BEND3: variants seen among roughly 807,000 people sequenced by gnomAD.
BEND3 encodes the protein BEN domain-containing protein 3.
BEND3 carries 13 observed loss-of-function variants against 60.1 expected under a neutral mutation model. The ratio of observed to expected loss-of-function variants is 0.22; its 90% CI spans 0.14 to 0.34. The LOEUF (loss-of-function observed/expected upper bound fraction) is 0.34, where lower values mean the gene tolerates loss of function less well. Ranked by LOEUF, BEND3 falls within the 10% of genes least tolerant of loss-of-function variation. The pLI, the probability that BEND3 is intolerant of heterozygous loss-of-function variation, is 1.00. For missense variants in BEND3, 896 were observed against 1,138.1 expected (o/e 0.79, Z 3.06); for synonymous variants, 497 against 491.5 (o/e 1.01, Z -0.15).
intron 3 of BEND3, among the ~76,000 whole-genome samples, chr6:107,088,745 A>G (rs1220952269): frequency 6.6e-6 from 1 of 152,258 alleles, no homozygotes; most frequent in Non-Finnish European, 1.5e-5. Context: ...TACAAAAACC[A>G]GGAGTATTTC....
intron 1 of BEND3, among the ~76,000 whole-genome samples, chr6:107,112,587 T>C (rs915308452): frequency 2.8e-4 from 43 of 151,786 alleles, no homozygotes; most frequent in African/African-American, 9.9e-4. Context: ...GGCGTGGTGG[T>C]ACACGTCTGT....
At chr6:107,101,541 C>T (rs1045444469) in intron 1 of BEND3, among the ~76,000 whole-genome samples, 2 of 152,154 alleles carry the variant, frequency 1.3e-5, no homozygotes, top group African/African-American at 4.8e-5. Flanking sequence ...AGATTTGAAA[C>T]TGAAAATAAT....
chr6:107,074,436 T>C (rs1775057549), intron 3 of BEND3, among the ~76,000 whole-genome samples: 1 of 152,120 alleles, frequency 6.6e-6, no homozygotes, highest in East Asian at 1.9e-4. Flanking sequence ...CATAAAAATT[T>C]ATTATTACAA....
chr6:107,075,117 T>C (rs1442343519), intron 3 of BEND3, among the ~76,000 whole-genome samples: 2 of 149,758 alleles, frequency 1.3e-5, no homozygotes, highest in African/African-American at 4.9e-5. Context: ...GATTAGCCAC[T>C]AGGGAGGCTT....
chr6:107,113,420 AGAGC>A (rs1770163600), intron 1 of BEND3, among the ~76,000 whole-genome samples: 1 of 135,270 alleles, frequency 7.4e-6, no homozygotes, highest in South Asian at 2.6e-4. Flanking sequence ...CCCGGGTGAC[AGAGC>A]GAGACTCCGT....
At chr6:107,099,479 G>A (rs527345956) in intron 1 of BEND3, among the ~76,000 whole-genome samples, 183 bp from the exon 2 acceptor site, 2 of 152,290 alleles carry the variant, frequency 1.3e-5, no homozygotes, top group South Asian at 4.1e-4. Context: ...GCCAGGCCTT[G>A]TGCATCCCTG....
In BEND3 at chr6:107,069,237, G is replaced by C; in HGVS notation, c.1954C>G (p.Arg652Gly). The change falls in exon 4 of 4, where the codon CGC becomes GGC. Residue 652 changes from arginine to glycine, a missense_variant. This residue lies in a region of BEND3 where 846 missense variants were observed against 1,036.7 expected (regional missense o/e 0.82). Transcript: ENST00000369042. ...RCRRRDTEQRRSYQQQRKVHV... is the reference protein window; with the variant it reads ...RCRRRDTEQRGSYQQQRKVHV... The stretch of plus-strand genomic sequence containing the variant: ...ACCTTGCGCTGCTGCTGGTAGGAGC[G>C]CCTTTGCTCCGTGTCCCGGCGCCGG... The C allele has an allele frequency of 6.2e-7, 1 of 1,611,700 alleles. No homozygotes were observed. Among genetic ancestry groups the C allele is most frequent in the East Asian group, 2.2e-5 (1 of 44,868 alleles).
At chr6:107,111,875 G>A (rs1339909270) in intron 1 of BEND3, among the ~76,000 whole-genome samples, 1 of 151,976 alleles carries the variant, frequency 6.6e-6, no homozygotes, top group African/African-American at 2.4e-5. Context: ...CCAGTTACTT[G>A]GGAGGCTGAG....
At chr6:107,109,046 TC>T (rs1554237967) in intron 1 of BEND3, among the ~76,000 whole-genome samples, 2 of 151,554 alleles carry the variant, frequency 1.3e-5, no homozygotes, top group East Asian at 3.9e-4. Flanking sequence ...CCTCAAGAGA[TC>T]CACCCGCCTC....
chr6:107,069,131 G>A lies in BEND3; in HGVS notation c.2060C>T (p.Pro687Leu). The A allele has an allele frequency of 6.2e-7, 1 of 1,612,732 alleles. No individual in the cohort carries two copies. The highest frequency in any genetic ancestry group is 8.5e-7 in the Non-Finnish European group (1 of 1,180,000). ...GCTGCTCCTCTCGGGGGGCAGTGGGGGCCCCTCAAACTCCTCCCGGAACCT... is the reference window on the plus strand; with the variant it reads ...GCTGCTCCTCTCGGGGGGCAGTGGGAGCCCCTCAAACTCCTCCCGGAACCT... Reference protein sequence around the residue: ...PERFREEFEGPPLPPERSSKD... With the variant: ...PERFREEFEGLPLPPERSSKD... The change falls in exon 4 of 4, where the codon CCC (proline) becomes CTC (leucine). Residue 687 changes from proline to leucine, a missense_variant. This residue lies in a region of BEND3 where 846 missense variants were observed against 1,036.7 expected (regional missense o/e 0.82). Coordinates refer to ENST00000369042, the MANE Select transcript of BEND3 (RefSeq NM_001367314.1).
In BEND3 at chr6:107,067,902, C is replaced by T. The variant is rs1442379356; in HGVS notation, c.*802G>A. The stretch of plus-strand genomic sequence containing the variant: ...AGAAGGAATGGGGGCAGCGGAAGGA[C>T]ACGGCTCAGATGGAGACACTGCGAA... On this transcript the variant is annotated 3_prime_UTR_variant, in exon 4 of 4. Coordinates refer to ENST00000369042, the MANE Select transcript of BEND3 (RefSeq NM_001367314.1). 37 of 152,242 alleles carry T rather than the reference C, an allele frequency of 2.4e-4. 1 individual carries two copies. Among genetic ancestry groups the T allele is most frequent in the Admixed American group, 2.4e-3 (37 of 15,270 alleles). 9.4% of individuals were successfully genotyped at this position (152,242 alleles called of 1,614,324 possible).
chr6:107,093,916 C>T (rs1019958229), intron 3 of BEND3, among the ~76,000 whole-genome samples: 21 of 152,160 alleles, frequency 1.4e-4, no homozygotes, highest in Non-Finnish European at 2.9e-4. Flanking sequence ...AACATTTCTG[C>T]TCTACAAGAT....
At chr6:107,110,128 G>A (rs1327141802) in intron 1 of BEND3, among the ~76,000 whole-genome samples, 2 of 152,122 alleles carry the variant, frequency 1.3e-5, no homozygotes, top group Non-Finnish European at 2.9e-5. Flanking sequence ...GAGCCTAGGA[G>A]TTCAAGATCA....
chr6:107,071,008 A>G, intron 3 of BEND3, 58 bp from the exon 4 acceptor site: 1 of 1,495,246 alleles, frequency 6.7e-7, no homozygotes, highest in Non-Finnish European at 9.0e-7. Flanking sequence ...TTATGACACT[A>G]AACAAGGGTC....
At chr6:107,105,976 G>C (rs1775805335) in intron 1 of BEND3, 1 of 152,208 alleles carries the variant, frequency 6.6e-6, no homozygotes, top group South Asian at 2.1e-4. Flanking sequence ...GTGGCTGTGT[G>C]GCCCCTGCCA....
At chr6:107,109,605 C>T (rs1228444045) in intron 1 of BEND3, among the ~76,000 whole-genome samples, 1 of 151,314 alleles carries the variant, frequency 6.6e-6, no homozygotes, top group Non-Finnish European at 1.5e-5. Context: ...CCGGCACGGT[C>T]GCTCACGCCT....
chr6:107,102,789 C>A (rs1425710458), intron 1 of BEND3, among the ~76,000 whole-genome samples: 1 of 152,182 alleles, frequency 6.6e-6, no homozygotes, highest in Admixed American at 6.5e-5. Flanking sequence ...ATCTGCAGCC[C>A]ACCAACTTCA....
At chr6:107,084,928 T>C (rs1775310007) in intron 3 of BEND3, among the ~76,000 whole-genome samples, 1 of 152,204 alleles carries the variant, frequency 6.6e-6, no homozygotes. Flanking sequence ...TGGCAACCCA[T>C]TCGGGTCCCC....
chr6:107,099,618 ATC>A (rs1562313802), intron 1 of BEND3, among the ~76,000 whole-genome samples: 1 of 152,202 alleles, frequency 6.6e-6, no homozygotes, highest in African/African-American at 2.4e-5. Context: ...AATTTTAATT[ATC>A]TCTTTTAAGT....
Sources: gnomAD v4.1 joint callset for allele counts (sites outside exome capture counted in the v4.1 genomes callset) on GRCh38, gnomAD v4.1.1 for gene constraint, gnomAD v4.1.1 regional missense constraint, MANE v1.5 for transcripts, NCBI Gene and HGNC (gene_info 2026-07-23, HGNC 2026-07-21) for gene names.